The following TXNL1 variants were observed in gnomAD, a reference collection of about 807,000 sequenced individuals.
TXNL1 encodes thioredoxin like 1.
In TXNL1, 14 loss-of-function variants were observed where a neutral mutation model predicts 35.5. The ratio of observed to expected loss-of-function variants is 0.39; its 90% CI spans 0.26 to 0.62. The LOEUF is 0.62. Ranked by LOEUF, TXNL1 falls within the 20% of genes least tolerant of loss-of-function variation. The pLI is 0.47. For missense variants in TXNL1, 263 were observed against 349.7 expected (o/e 0.75, Z 1.98); for synonymous variants, 110 against 115.5 (o/e 0.95, Z 0.31).
chr18:56,615,469 A>AAG (rs1555669054), intron 5 of TXNL1, among the ~76,000 whole-genome samples: 1 of 64,422 alleles, frequency 1.6e-5, no homozygotes, highest in African/African-American at 3.6e-5. Flanking sequence ...AAAAGAAAAA[A>AAG]TGGGGGGGGG....
intron 1 of TXNL1, among the ~76,000 whole-genome samples, chr18:56,634,446 T>C (rs899501939): frequency 1.4e-4 from 21 of 152,306 alleles, no homozygotes; most frequent in African/African-American, 2.4e-4. Flanking sequence ...GAGGAATGAA[T>C]TGAGTCAATA....
At position 56,614,609 on chromosome 18, in the gene TXNL1, A is replaced by G. The variant is rs945069915; in HGVS notation, c.563-13T>C. The G allele has an allele frequency of 2.1e-5, 33 of 1,598,308 alleles. No homozygotes were observed. Among genetic ancestry groups the G allele is most frequent in the Non-Finnish European group, 2.8e-5 (33 of 1,174,454 alleles). ...TTAGGGCCCTGACCTATACAATGGT[A>G]GAATAAAATAAAATGTTTAAAAACC... On this transcript the variant is annotated splice_polypyrimidine_tract_variant and intron_variant, in intron 5 of 7. Transcript: ENST00000217515.
chr18:56,623,157 G>A (rs577397513), intron 3 of TXNL1, among the ~76,000 whole-genome samples: 1 of 152,302 alleles, frequency 6.6e-6, no homozygotes, highest in African/African-American at 2.4e-5. Context: ...TAGGTGCAGT[G>A]GCTCACGCCT....
intron 5 of TXNL1, among the ~76,000 whole-genome samples, chr18:56,615,870 C>T (rs1204731849): frequency 6.6e-6 from 1 of 152,092 alleles, no homozygotes; most frequent in Non-Finnish European, 1.5e-5. Context: ...GTGCTCATGC[C>T]TATAATCTTA....
At chr18:56,635,573 CAGAA>C (rs2024443443) in intron 1 of TXNL1, among the ~76,000 whole-genome samples, 1 of 152,146 alleles carries the variant, frequency 6.6e-6, no homozygotes, top group African/African-American at 2.4e-5. Flanking sequence ...TTCATAGAGA[CAGAA>C]AGCAGAATAG....
At chr18:56,632,392 A>G (rs952761460) in intron 1 of TXNL1, among the ~76,000 whole-genome samples, 4 of 152,236 alleles carry the variant, frequency 2.6e-5, no homozygotes, top group African/African-American at 9.6e-5. Context: ...TATTAATTAC[A>G]TAAAACAGCT....
chr18:56,627,108 T>C (rs1432983145), intron 1 of TXNL1, among the ~76,000 whole-genome samples: 1 of 151,850 alleles, frequency 6.6e-6, no homozygotes, highest in African/African-American at 2.4e-5. Flanking sequence ...ACCATAACCC[T>C]AGGCCTGATT....
At chr18:56,615,182 C>A (rs2024064026) in intron 5 of TXNL1, among the ~76,000 whole-genome samples, 1 of 152,078 alleles carries the variant, frequency 6.6e-6, no homozygotes, top group Non-Finnish European at 1.5e-5. Context: ...ATCCCTTTAA[C>A]TTCAAGGCAC....
intron 7 of TXNL1, among the ~76,000 whole-genome samples, chr18:56,605,730 C>T (rs952000116): frequency 5.9e-5 from 9 of 152,108 alleles, no homozygotes; most frequent in Non-Finnish European, 1.2e-4. Flanking sequence ...CCTATAAGAG[C>T]CAAAACCAGA....
intron 7 of TXNL1, chr18:56,609,345 T>C (rs1012178787): frequency 2.6e-5 from 4 of 152,136 alleles, no homozygotes; most frequent in African/African-American, 9.7e-5. Flanking sequence ...AAAACGTAGT[T>C]TGACAGTCAG....
intron 1 of TXNL1, among the ~76,000 whole-genome samples, chr18:56,631,755 T>TA (rs2024374944): frequency 6.6e-6 from 1 of 152,046 alleles, no homozygotes; most frequent in Admixed American, 6.6e-5. Flanking sequence ...CCCCCGTCTC[T>TA]ACTAAAAATA....
At chr18:56,624,566 A>G in intron 2 of TXNL1, 105 bp from the exon 3 acceptor site, 1 of 1,288,548 alleles carries the variant, frequency 7.8e-7, no homozygotes, top group South Asian at 1.6e-5. Flanking sequence ...TGAACTAAAA[A>G]CATGTAAAAT....
chr18:56,634,142 T>C (rs2024420570), intron 1 of TXNL1, among the ~76,000 whole-genome samples: 1 of 152,100 alleles, frequency 6.6e-6, no homozygotes, highest in Non-Finnish European at 1.5e-5. Flanking sequence ...TGGGCATAAG[T>C]AACAATTTGG....
intron 1 of TXNL1, among the ~76,000 whole-genome samples, chr18:56,637,261 G>C (rs1272424470): frequency 6.6e-6 from 1 of 152,000 alleles, no homozygotes; most frequent in Non-Finnish European, 1.5e-5. Flanking sequence ...TTTGTTTTTT[G>C]CTCTGAAATT....
intron 2 of TXNL1, 149 bp from the exon 3 acceptor site, chr18:56,624,610 C>G: frequency 1.2e-6 from 1 of 859,636 alleles, no homozygotes; most frequent in South Asian, 2.0e-5. Flanking sequence ...AAAAATAGAC[C>G]TATTCCTAAG....
intron 3 of TXNL1, among the ~76,000 whole-genome samples, chr18:56,621,167 TTTTA>T (rs2024176456): frequency 6.6e-6 from 1 of 152,042 alleles, no homozygotes; most frequent in South Asian, 2.1e-4. Context: ...TAGTTTTTGT[TTTTA>T]TTTATTGTGG....
chr18:56,625,901 C>G (rs1261263770), intron 2 of TXNL1, among the ~76,000 whole-genome samples: 1 of 152,132 alleles, frequency 6.6e-6, no homozygotes. Context: ...GGCAATTCAC[C>G]TACAACACTG....
rs1381970155 is a variant in TXNL1 at position 56,598,938 on chromosome 18, G to C, written c.*4089C>G. 6.6e-6 allele frequency: 1 copy of C among 152,126 alleles called. No individual in the cohort carries two copies. Among genetic ancestry groups the C allele is most frequent in the East Asian group, 1.9e-4 (1 of 5,182 alleles). The allele number at this position is 152,126 out of a possible 1,614,324, so 9.4% of individuals were successfully genotyped here. A position where few individuals can be genotyped will look rare whatever the true frequency, so the allele number is the denominator to read the frequency against. On this transcript the variant is annotated 3_prime_UTR_variant, in exon 8 of 8. Transcript: ENST00000217515. ...ATGATGAGCCAGTATCTCCAAATGC[G>C]TGTCCAATTATAAACCAACAGATCA...
chr18:56,605,022 C>A (rs1337862195), intron 7 of TXNL1, among the ~76,000 whole-genome samples: 5 of 141,036 alleles, frequency 3.5e-5, no homozygotes, highest in African/African-American at 5.3e-5. Context: ...AAATATGAAA[C>A]AGTAGAAAGT....
Sources: allele counts gnomAD v4.1 joint callset (sites outside exome capture counted in the v4.1 genomes callset), GRCh38; gene constraint gnomAD v4.1.1; transcripts MANE v1.5; gene names NCBI Gene and HGNC (gene_info 2026-07-23, HGNC 2026-07-21).